The following HNRNPLL variants were observed in gnomAD, a reference collection of about 807,000 sequenced individuals.
The protein encoded by HNRNPLL is heterogeneous nuclear ribonucleoprotein L like.
In HNRNPLL, 25 loss-of-function variants were observed where a neutral mutation model predicts 67.1. The ratio of observed to expected loss-of-function variants is 0.37; its 90% CI spans 0.27 to 0.52. HNRNPLL has a LOEUF of 0.52. HNRNPLL is among the 20% of genes least tolerant of loss of function. The pLI, the probability that HNRNPLL is intolerant of heterozygous loss-of-function variation, is 0.90. For synonymous variants in HNRNPLL, 267 were observed against 241.7 expected (o/e 1.10, Z -0.97); for missense variants, 542 against 673.9 (o/e 0.80, Z 2.17).
chr2:38,588,786 AGTCC>A (rs1297690603), intron 2 of HNRNPLL, among the ~76,000 whole-genome samples: 1 of 152,108 alleles, frequency 6.6e-6, no homozygotes, highest in Non-Finnish European at 1.5e-5. Flanking sequence ...TTGTGCCTAC[AGTCC>A]CAGCTACTCA....
chr2:38,580,674 T>C (rs1200714959), intron 6 of HNRNPLL, among the ~76,000 whole-genome samples: 1 of 152,228 alleles, frequency 6.6e-6, no homozygotes, highest in Non-Finnish European at 1.5e-5. Flanking sequence ...AAGATCCACA[T>C]TTTAATTTGT....
At chr2:38,586,709 C>A (rs1666749664) in intron 2 of HNRNPLL, among the ~76,000 whole-genome samples, 1 of 152,086 alleles carries the variant, frequency 6.6e-6, no homozygotes. Context: ...TAATCTCCTC[C>A]AAAACATTTT....
intron 2 of HNRNPLL, among the ~76,000 whole-genome samples, chr2:38,588,890 AG>A (rs1400345423): frequency 3.3e-5 from 5 of 152,292 alleles, no homozygotes; most frequent in African/African-American, 1.2e-4. Context: ...GGGAGATCAC[AG>A]AGAGAAAAGG....
rs1665953226 is a variant in HNRNPLL at position 38,568,417 on chromosome 2, T to C, written c.1443A>G (p.Thr481=). ...CATCAAACACTTTATATTTGATGAATGTAAGAACTTCATGGTCATTACACA... is the reference window on the plus strand; with the variant it reads ...CATCAAACACTTTATATTTGATGAACGTAAGAACTTCATGGTCATTACACA... ...TKLCNDHEVL[T]FIKYKVFDAK... The change falls in exon 11 of 13, where the codon ACA becomes ACG. Residue 481 remains threonine (T), a synonymous_variant. Transcript: ENST00000449105. 1 of 1,607,932 alleles carries C rather than the reference T, an allele frequency of 6.2e-7. No individual in the cohort carries two copies. Among genetic ancestry groups the C allele is most frequent in the Non-Finnish European group, 8.5e-7 (1 of 1,175,506 alleles).
chr2:38,588,984 A>G, intron 2 of HNRNPLL, among the ~76,000 whole-genome samples: 1 of 152,252 alleles, frequency 6.6e-6, no homozygotes, highest in South Asian at 2.1e-4. Context: ...CAATTTCTAA[A>G]TAAAAACATA....
At chr2:38,566,375 A>AAC (rs1274880000) in intron 12 of HNRNPLL, among the ~76,000 whole-genome samples, 1 of 130,856 alleles carries the variant, frequency 7.6e-6, no homozygotes, top group African/African-American at 3.6e-5. Context: ...TCAAAAAAAA[A>AAC]AAACCAAAAA....
intron 2 of HNRNPLL, among the ~76,000 whole-genome samples, chr2:38,589,300 G>A (rs1184423869): frequency 2.0e-5 from 3 of 152,060 alleles, no homozygotes; most frequent in East Asian, 3.9e-4. Flanking sequence ...TGAACTTGGT[G>A]ATTCACCATT....
chr2:38,587,023 C>G (rs189090279), intron 2 of HNRNPLL, among the ~76,000 whole-genome samples: 1 of 152,284 alleles, frequency 6.6e-6, no homozygotes, highest in Admixed American at 6.5e-5. Flanking sequence ...CCTCTATTCA[C>G]AGGAACAAGA....
chr2:38,566,206 A>T (rs1665854180), intron 12 of HNRNPLL: 1 of 310,130 alleles, frequency 3.2e-6, no homozygotes, highest in African/African-American at 2.3e-5. Context: ...CGTCTCTAAC[A>T]AAAATACAAA....
chr2:38,584,860 C>CA (rs1245482973), intron 3 of HNRNPLL, among the ~76,000 whole-genome samples: 1 of 151,872 alleles, frequency 6.6e-6, no homozygotes, highest in Non-Finnish European at 1.5e-5. Flanking sequence ...TAACAAAAAA[C>CA]AGAGTACCTA....
chr2:38,602,584 C>G lies in HNRNPLL; in HGVS notation c.43G>C (p.Asp15His). Residue 15 changes from aspartate to histidine, a missense_variant, in exon 1 of 13, where the codon GAC becomes CAC. Coordinates refer to ENST00000449105, the MANE Select transcript of HNRNPLL (RefSeq NM_138394.4). The part of the protein sequence containing the change: ...SSSPRETYEE[D>H]REYESQAKRL... ...TTGGCCTGGCTCTCGTACTCCCGGT[C>G]CTCCTCGTACGTCTCCCTGGGGGAG... 1 of 1,573,710 alleles carries G rather than the reference C, an allele frequency of 6.4e-7. No individual in the cohort carries two copies. Among genetic ancestry groups the G allele is most frequent in the Non-Finnish European group, 8.6e-7 (1 of 1,161,918 alleles).
intron 11 of HNRNPLL, 24 bp from the exon 12 acceptor site, chr2:38,568,321 A>C: frequency 6.2e-7 from 1 of 1,606,874 alleles, no homozygotes; most frequent in Non-Finnish European, 8.5e-7. Flanking sequence ...ACACAAACTC[A>C]GTTATTATTA....
chr2:38,571,502 A>G (rs1329865978), intron 8 of HNRNPLL, among the ~76,000 whole-genome samples: 1 of 152,212 alleles, frequency 6.6e-6, no homozygotes, highest in Non-Finnish European at 1.5e-5. Context: ...TTCTATTTCC[A>G]TCACTTCAAC....
chr2:38,579,481 C>A (rs1448150301), intron 6 of HNRNPLL, among the ~76,000 whole-genome samples: 1 of 151,768 alleles, frequency 6.6e-6, no homozygotes, highest in Non-Finnish European at 1.5e-5. Flanking sequence ...CACTGCGTAA[C>A]AGGTCACGTA....
chr2:38,578,182 A>G (rs1025767784), intron 6 of HNRNPLL, among the ~76,000 whole-genome samples: 1 of 152,084 alleles, frequency 6.6e-6, no homozygotes, highest in Non-Finnish European at 1.5e-5. Flanking sequence ...CCCAAACTTT[A>G]AAGATGCCAA....
intron 6 of HNRNPLL, among the ~76,000 whole-genome samples, chr2:38,578,327 AATT>A (rs1666381263): frequency 6.6e-6 from 1 of 152,118 alleles, no homozygotes; most frequent in African/African-American, 2.4e-5. Flanking sequence ...TCAACAAAAA[AATT>A]ATTTATAAGT....
intron 12 of HNRNPLL, among the ~76,000 whole-genome samples, chr2:38,565,629 G>A (rs1665827024): frequency 6.6e-6 from 1 of 151,038 alleles, no homozygotes; most frequent in Admixed American, 6.6e-5. Flanking sequence ...TTGGGAGGCT[G>A]AGGTGGGAGG....
chr2:38,594,397 T>C lies in HNRNPLL; in HGVS notation c.190-2749A>G, dbSNP rs371692254. 2.0e-5 allele frequency among the ~76,000 whole-genome samples: 3 copies of C among 152,106 alleles called. No individual in the cohort carries two copies. In the East Asian group the frequency reaches 5.8e-4, roughly 29 times the overall value. On this transcript the variant is annotated intron_variant, in intron 1 of 12. Transcript: ENST00000449105. ...AGAATACCCTTATTCTTAGGAACAT[T>C]GCGATATTTAGGCATGAAATGTCAT... is the stretch of plus-strand genomic sequence containing the variant.
intron 8 of HNRNPLL, among the ~76,000 whole-genome samples, chr2:38,572,144 C>T (rs1173766939): frequency 6.6e-6 from 1 of 152,160 alleles, no homozygotes; most frequent in Non-Finnish European, 1.5e-5. Context: ...CTAAACCTAT[C>T]CCATGTATTC....
Sources: allele counts gnomAD v4.1 joint callset (sites outside exome capture counted in the v4.1 genomes callset), GRCh38; gene constraint gnomAD v4.1.1; transcripts MANE v1.5; gene names NCBI Gene and HGNC (gene_info 2026-07-23, HGNC 2026-07-21).